Variants in PRKAR1B observed in about 807,000 individuals in gnomAD.
The protein encoded by PRKAR1B is cAMP-dependent protein kinase type I-beta regulatory subunit.
Under a neutral mutation model 46.5 loss-of-function variants are expected in PRKAR1B, and 22 were observed. The observed-to-expected ratio is 0.47, with a 90% CI of 0.34 to 0.68. The LOEUF (loss-of-function observed/expected upper bound fraction) is 0.68, where lower values mean the gene tolerates loss of function less well. Among genes scored for constraint, PRKAR1B ranks in the 30% least tolerant of loss-of-function variants. The pLI is 0.01. For synonymous variants in PRKAR1B, 259 were observed against 217.7 expected (o/e 1.19, Z -1.67); for missense variants, 445 against 535.6 (o/e 0.83, Z 1.67).
chr7:591,678 C>T (rs946278065), intron 7 of PRKAR1B, among the ~76,000 whole-genome samples: 2 of 152,150 alleles, frequency 1.3e-5, no homozygotes, highest in Non-Finnish European at 2.9e-5. Flanking sequence ...ATCAAGACTT[C>T]ACCTCTATTA....
intron 4 of PRKAR1B, among the ~76,000 whole-genome samples, chr7:662,589 C>T (rs909018809): frequency 8.8e-5 from 13 of 147,760 alleles, no homozygotes; most frequent in African/African-American, 1.8e-4. Context: ...ACTCTCCCCC[C>T]CATAGCACAA....
intron 2 of PRKAR1B, among the ~76,000 whole-genome samples, chr7:705,262 C>G (rs1468142727): frequency 6.7e-6 from 1 of 149,534 alleles, no homozygotes; most frequent in African/African-American, 2.5e-5. Flanking sequence ...GAGATCACGC[C>G]ATTGCCCTCC....
chr7:691,429 C>G lies in PRKAR1B; in HGVS notation c.178-10703G>C. Reference sequence around the variant, plus strand: ...GGTCAGGAGGGGTGCAGGAGGGTGGCTTTGATGGAGAGGGAGTGCCTCCAC... The same window carrying G: ...GGTCAGGAGGGGTGCAGGAGGGTGGGTTTGATGGAGAGGGAGTGCCTCCAC... On this transcript the variant is annotated intron_variant, in intron 2 of 10. Transcript: ENST00000537384. 2.5e-6 allele frequency: 3 copies of G among 1,220,718 alleles called. No homozygotes were observed. The South Asian group carries it at 3.8e-5, about 15-fold the overall frequency. The allele number at this position is 1,220,718 out of a possible 1,614,324, so 75.6% of individuals were successfully genotyped here.
chr7:558,253 G>A (rs1778569179), intron 9 of PRKAR1B, among the ~76,000 whole-genome samples: 1 of 148,846 alleles, frequency 6.7e-6, no homozygotes, highest in South Asian at 2.1e-4. Context: ...TTGAGCCCAG[G>A]AGGTCGAGGC....
At chr7:583,447 T>TGCA (rs1562537171) in intron 8 of PRKAR1B, among the ~76,000 whole-genome samples, 2 of 48,054 alleles carry the variant, frequency 4.2e-5, no homozygotes, top group African/African-American at 1.4e-4. Context: ...CAGTGCACAC[T>TGCA]CACACCCACT....
At chr7:558,823 G>A (rs536140613) in intron 9 of PRKAR1B, among the ~76,000 whole-genome samples, 2 of 152,308 alleles carry the variant, frequency 1.3e-5, no homozygotes, top group African/African-American at 2.4e-5. Context: ...AAGGGGCCCC[G>A]GCTTCCTGTC....
intron 2 of PRKAR1B, among the ~76,000 whole-genome samples, chr7:686,019 G>A (rs1047128660): frequency 2.0e-5 from 3 of 152,124 alleles, no homozygotes; most frequent in African/African-American, 7.2e-5. Context: ...ATGGAGAATC[G>A]GCCAGGTGTG....
chr7:691,699 A>G (rs1779437026), intron 2 of PRKAR1B: 2 of 1,271,074 alleles, frequency 1.6e-6, no homozygotes, highest in African/African-American at 3.1e-5. Flanking sequence ...CACGGTCAAA[A>G]GCAGCTCCTC....
At chr7:664,792 T>G (rs1785813338) in intron 4 of PRKAR1B, among the ~76,000 whole-genome samples, 1 of 151,156 alleles carries the variant, frequency 6.6e-6, no homozygotes. Context: ...TGCACGCCTG[T>G]GGCCCCAGCT....
At chr7:668,038 A>G (rs116853961) in intron 4 of PRKAR1B, among the ~76,000 whole-genome samples, 162 of 152,340 alleles carry the variant, frequency 1.1e-3, no homozygotes, top group Non-Finnish European at 8.8e-4. Flanking sequence ...CGACAAGAGC[A>G]AAGTCACACA....
chr7:579,000 C>T (rs1165551680), intron 9 of PRKAR1B: 1 of 1,333,136 alleles, frequency 7.5e-7, no homozygotes, highest in Non-Finnish European at 9.7e-7. Context: ...GCAGTTTTAT[C>T]ACACGTGCAG....
intron 2 of PRKAR1B, among the ~76,000 whole-genome samples, chr7:685,987 G>A (rs1489409549): frequency 6.6e-6 from 1 of 152,176 alleles, no homozygotes; most frequent in Admixed American, 6.5e-5. Context: ...GGGTGGATAT[G>A]TGAAGACCTT....
chr7:675,099 C>T (rs938027592), intron 4 of PRKAR1B, among the ~76,000 whole-genome samples: 6 of 152,254 alleles, frequency 3.9e-5, no homozygotes, highest in Non-Finnish European at 8.8e-5. Context: ...AGCATCACTA[C>T]TCACGGAAAC....
chr7:575,148 G>C (rs1779745729), intron 9 of PRKAR1B, among the ~76,000 whole-genome samples: 1 of 152,234 alleles, frequency 6.6e-6, no homozygotes, highest in Non-Finnish European at 1.5e-5. Flanking sequence ...TCTCACTCGG[G>C]GTCTCCCCTG....
intron 1 of PRKAR1B, among the ~76,000 whole-genome samples, chr7:720,405 G>C (rs913179547): frequency 6.6e-6 from 1 of 152,232 alleles, no homozygotes; most frequent in African/African-American, 2.4e-5. Context: ...TATGGCCCAG[G>C]ATATGGTATA....
chr7:557,064 G>C lies in PRKAR1B; in HGVS notation c.892-5594C>G, dbSNP rs372325553. Among the ~76,000 whole-genome samples, 11 of 152,244 alleles carry C rather than the reference G, an allele frequency of 7.2e-5. No individual in the cohort carries two copies. In the East Asian group the frequency reaches 2.1e-3, roughly 29 times the overall value. On this transcript the variant is annotated intron_variant, in intron 9 of 10. Coordinates refer to ENST00000537384, the MANE Select transcript of PRKAR1B (RefSeq NM_001164760.2). Reference sequence around the variant, plus strand: ...CCCCTCCCACCCCCGGCCTGGGCCGGGCAGCTTCCGTTTCCAACCAGAGTC... The same window carrying C: ...CCCCTCCCACCCCCGGCCTGGGCCGCGCAGCTTCCGTTTCCAACCAGAGTC...
At chr7:695,780 C>T (rs760257180) in intron 2 of PRKAR1B, among the ~76,000 whole-genome samples, 1 of 151,872 alleles carries the variant, frequency 6.6e-6, no homozygotes, top group Admixed American at 6.6e-5. Flanking sequence ...TCTCCTGCCT[C>T]AGCTTCCCGA....
chr7:664,635 G>A (rs1165616151), intron 4 of PRKAR1B, among the ~76,000 whole-genome samples: 1 of 152,150 alleles, frequency 6.6e-6, no homozygotes, highest in Non-Finnish European at 1.5e-5. Flanking sequence ...GCTGCTGGGT[G>A]TGGTGGCTCA....
At chr7:558,726 T>C (rs575559718) in intron 9 of PRKAR1B, among the ~76,000 whole-genome samples, 1 of 151,982 alleles carries the variant, frequency 6.6e-6, no homozygotes, top group Admixed American at 6.5e-5. Context: ...CACTCCAGCC[T>C]GGGCAACAAG....
Sources: allele counts gnomAD v4.1 joint callset (sites outside exome capture counted in the v4.1 genomes callset), GRCh38; gene constraint gnomAD v4.1.1; transcripts MANE v1.5; gene names NCBI Gene and HGNC (gene_info 2026-07-23, HGNC 2026-07-21).